The following ZRANB3 variants were observed in gnomAD, a reference collection of about 807,000 sequenced individuals.
ZRANB3 encodes the protein DNA annealing helicase and endonuclease ZRANB3.
In ZRANB3, 125 loss-of-function variants were observed where a neutral mutation model predicts 133.8. That is an observed-to-expected ratio of 0.93 (90% CI 0.81 to 1.08). The LOEUF is 1.08. Among genes scored for constraint, ZRANB3 ranks in the 50% least tolerant of loss-of-function variants. The probability of loss-of-function intolerance (pLI) is 0.00; values close to 1 mark genes in which losing one functional copy is unlikely to be tolerated. For synonymous variants in ZRANB3, 387 were observed against 432.7 expected, an observed-to-expected ratio of 0.89 and a Z score of 1.31; for missense variants, 1,229 against 1,275.5, an observed-to-expected ratio of 0.96 and a Z score of 0.56.
chr2:135,508,463 A>C (rs1376953951), intron 1 of ZRANB3, among the ~76,000 whole-genome samples: 2 of 152,226 alleles, frequency 1.3e-5, no homozygotes, highest in African/African-American at 4.8e-5. Flanking sequence ...AAAAATAAAC[A>C]ATGAAATTAA....
intron 2 of ZRANB3, among the ~76,000 whole-genome samples, chr2:135,403,521 C>T (rs1039397768): frequency 1.1e-4 from 17 of 152,218 alleles, no homozygotes; most frequent in African/African-American, 3.1e-4. Context: ...GACTCCACCT[C>T]CGGGGCAGGG....
intron 12 of ZRANB3, among the ~76,000 whole-genome samples, chr2:135,257,316 T>G (rs1313693768): frequency 6.6e-6 from 1 of 152,246 alleles, no homozygotes; most frequent in African/African-American, 2.4e-5. Flanking sequence ...ACATATAGAT[T>G]AACCACACTT....
chr2:135,497,870 T>C (rs1246077594), intron 2 of ZRANB3, among the ~76,000 whole-genome samples: 1 of 152,028 alleles, frequency 6.6e-6, no homozygotes, highest in African/African-American at 2.4e-5. Context: ...CAGGCCAACA[T>C]GGTAAAACCT....
At chr2:135,356,387 C>T (rs1289210036) in intron 3 of ZRANB3, among the ~76,000 whole-genome samples, 1 of 151,860 alleles carries the variant, frequency 6.6e-6, no homozygotes, top group Non-Finnish European at 1.5e-5. Flanking sequence ...ACATAATGTA[C>T]ACCATAAATA....
chr2:135,392,355 A>AAG (rs764736324), intron 2 of ZRANB3, among the ~76,000 whole-genome samples: 3,136 of 81,872 alleles, frequency 0.038, 119 homozygotes, highest in African/African-American at 0.082. Flanking sequence ...AAAAAAAAAA[A>AAG]GGGGGGGGGG....
intron 2 of ZRANB3, among the ~76,000 whole-genome samples, chr2:135,425,688 A>G (rs1574084605): frequency 6.6e-6 from 1 of 152,334 alleles, no homozygotes; most frequent in African/African-American, 2.4e-5. Context: ...GAATCCAGCT[A>G]AAGCAGTGTT....
At chr2:135,390,841 A>T (rs757499357) in intron 2 of ZRANB3, 21 bp from the exon 3 acceptor site, 523 of 1,513,198 alleles carry the variant, frequency 3.5e-4, no homozygotes, top group Non-Finnish European at 4.3e-4. Context: ...AAAAAAAAAA[A>T]AATTAATTAT....
rs543485728 is a variant in ZRANB3, at chr2:135,409,066, G to A, written c.162-18246C>T. ...GTTCTGCAGGCAGTACAATAAGTAT[G>A]TTGTTGGCATCTGCTTCTGGTGAGG... On this transcript the variant is annotated intron_variant, in intron 2 of 20. Coordinates refer to ENST00000264159, the MANE Select transcript of ZRANB3 (RefSeq NM_032143.4). Among the ~76,000 whole-genome samples the A allele has an allele frequency of 1.1e-4, 17 of 152,236 alleles. No individual in the cohort carries two copies. The East Asian group carries it at 3.3e-3, about 29-fold the overall frequency.
At chr2:135,504,815 C>T (rs906529434) in intron 1 of ZRANB3, among the ~76,000 whole-genome samples, 24 of 151,884 alleles carry the variant, frequency 1.6e-4, no homozygotes, top group African/African-American at 5.8e-4. Flanking sequence ...TTTCACAAAT[C>T]GAATAATTTT....
At chr2:135,221,015 C>T (rs995413370) in intron 15 of ZRANB3, among the ~76,000 whole-genome samples, 2 of 151,858 alleles carry the variant, frequency 1.3e-5, no homozygotes, top group African/African-American at 4.8e-5. Flanking sequence ...TGCCACCATG[C>T]CCAGATAATT....
rs1486253867 is a variant in ZRANB3, at chr2:135,316,485, T to C, written c.678-955A>G. On this transcript the variant is annotated intron_variant, in intron 6 of 20. Coordinates refer to ENST00000264159, the MANE Select transcript of ZRANB3 (RefSeq NM_032143.4). ...CAGCTGTTAGAGAATAATTAACAAATAAAAAATTCCTGTTAGGTTGGATTA... is the reference window on the plus strand; with the variant it reads ...CAGCTGTTAGAGAATAATTAACAAACAAAAAATTCCTGTTAGGTTGGATTA... Among the ~76,000 whole-genome samples, 4 of 152,072 alleles carry C rather than the reference T, an allele frequency of 2.6e-5. No individual in the cohort carries two copies. The East Asian group carries it at 5.8e-4, about 22-fold the overall frequency.
intron 1 of ZRANB3, chr2:135,511,165 G>A (rs1559046834): frequency 2.6e-6 from 2 of 780,872 alleles, no homozygotes; most frequent in Middle Eastern, 6.3e-4. Context: ...CCACTGGGTT[G>A]AAGGTTGTTA....
At chr2:135,344,566 T>C (rs1451871137) in intron 6 of ZRANB3, among the ~76,000 whole-genome samples, 3 of 152,024 alleles carry the variant, frequency 2.0e-5, no homozygotes, top group Non-Finnish European at 4.4e-5. Context: ...TGAAACCCCA[T>C]CTCTAGTAAA....
chr2:135,385,356 C>T (rs945730809), intron 3 of ZRANB3, among the ~76,000 whole-genome samples: 3 of 152,004 alleles, frequency 2.0e-5, no homozygotes, highest in Admixed American at 6.6e-5. Flanking sequence ...ACAAACAAAT[C>T]GAAGAACATT....
chr2:135,245,926 C>CAAAAAAAAAAAAAAA lies in ZRANB3; in HGVS notation c.1540-15014_1540-15000dup, dbSNP rs1177438717. Among the ~76,000 whole-genome samples the CAAAAAAAAAAAAAAA allele has an allele frequency of 2.7e-3, 52 of 19,544 alleles. 7 individuals carry two copies. Among genetic ancestry groups the CAAAAAAAAAAAAAAA allele is most frequent in the African/African-American group, 9.1e-3 (32 of 3,508 alleles). 12.8% of individuals were successfully genotyped at this position (19,544 alleles called of 152,430 possible). ...GGGCAACGAGATTGAAACTCCGTCTCAAAAAAAAAAAAAAAAAAAAAAGAG... is the reference window on the plus strand; with the variant it reads ...GGGCAACGAGATTGAAACTCCGTCTCAAAAAAAAAAAAAAAAAAAAAAAAAAAAAAAAAAAAAGAG... On this transcript the variant is annotated intron_variant, in intron 12 of 20. Coordinates refer to ENST00000264159, the MANE Select transcript of ZRANB3 (RefSeq NM_032143.4).
In ZRANB3 at chr2:135,510,979, C is replaced by T. The variant is rs942057853; in HGVS notation, c.-7-6483G>A. 1.9e-5 allele frequency: 15 copies of T among 789,678 alleles called. No individual in the cohort carries two copies. The African/African-American group carries it at 2.5e-4, about 13-fold the overall frequency. 48.9% of individuals were successfully genotyped at this position (789,678 alleles called of 1,614,324 possible). ...GGTTCAATGTCACCTTGCTCACCAG[C>T]CTCACAGATCGGTCTGGGTCCCCTT... is the stretch of plus-strand genomic sequence containing the variant. On this transcript the variant is annotated intron_variant, in intron 1 of 20. Coordinates refer to ENST00000264159, the MANE Select transcript of ZRANB3 (RefSeq NM_032143.4).
chr2:135,349,357 G>C (rs556715064), intron 5 of ZRANB3, among the ~76,000 whole-genome samples: 1 of 152,306 alleles, frequency 6.6e-6, no homozygotes, highest in African/African-American at 2.4e-5. Context: ...AGTAAACAGA[G>C]CCTCCTTAAA....
chr2:135,419,421 G>A (rs74780175), intron 2 of ZRANB3, among the ~76,000 whole-genome samples: 1,541 of 152,044 alleles, frequency 0.01, 25 homozygotes, highest in African/African-American at 0.035. Flanking sequence ...CAGAGAAAGA[G>A]AGAGAGAAAG....
At chr2:135,299,789 C>T (rs1359340286) in intron 8 of ZRANB3, among the ~76,000 whole-genome samples, 1 of 152,054 alleles carries the variant, frequency 6.6e-6, no homozygotes, top group Non-Finnish European at 1.5e-5. Flanking sequence ...TATGCCAATA[C>T]CATAATTCTG....
Sources: allele counts gnomAD v4.1 joint callset (sites outside exome capture counted in the v4.1 genomes callset), GRCh38; gene constraint gnomAD v4.1.1; transcripts MANE v1.5; gene names NCBI Gene and HGNC (gene_info 2026-07-23, HGNC 2026-07-21).